Variants in DPYD observed in about 807,000 individuals in gnomAD.
The protein encoded by DPYD is dihydropyrimidine dehydrogenase [NADP(+)].
Under a neutral mutation model 116.2 loss-of-function variants are expected in DPYD, and 109 were observed. That is an observed-to-expected ratio of 0.94 (90% CI 0.80 to 1.10). The LOEUF is 1.10. Ranked by LOEUF, DPYD falls within the 50% of genes least tolerant of loss-of-function variation. DPYD has a pLI of 0.00. For synonymous variants in DPYD, 440 were observed against 432.0 expected (o/e 1.02, Z -0.23); for missense variants, 1,302 against 1,254.5 (o/e 1.04, Z -0.57).
At chr1:97,600,260 G>A (rs917623738) in intron 8 of DPYD, among the ~76,000 whole-genome samples, 1 of 152,024 alleles carries the variant, frequency 6.6e-6, no homozygotes, top group Non-Finnish European at 1.5e-5. Flanking sequence ...ACCTTCCAAA[G>A]TACTTTTGTA....
At chr1:97,264,040 C>G (rs1298806615) in intron 18 of DPYD, among the ~76,000 whole-genome samples, 1 of 150,978 alleles carries the variant, frequency 6.6e-6, no homozygotes. Flanking sequence ...AAGATAAAAT[C>G]AGATCAATGC....
chr1:97,706,743 A>G (rs1661978387), intron 5 of DPYD, among the ~76,000 whole-genome samples: 2 of 152,092 alleles, frequency 1.3e-5, no homozygotes, highest in Non-Finnish European at 2.9e-5. Context: ...TGTATGTACC[A>G]TAGTTTATTT....
chr1:97,581,378 T>C (rs1428799595), intron 10 of DPYD, among the ~76,000 whole-genome samples: 2 of 146,420 alleles, frequency 1.4e-5, no homozygotes, highest in Admixed American at 1.4e-4. Context: ...GGAATCTTTG[T>C]CATGTGTAAA....
chr1:97,696,201 G>C (rs1049007012), intron 6 of DPYD, among the ~76,000 whole-genome samples: 2 of 151,870 alleles, frequency 1.3e-5, no homozygotes, highest in Non-Finnish European at 2.9e-5. Flanking sequence ...GATATCAGAG[G>C]ACATTTTTTT....
intron 20 of DPYD, among the ~76,000 whole-genome samples, chr1:97,127,245 T>C (rs1266281272): frequency 1.3e-5 from 2 of 152,096 alleles, no homozygotes; most frequent in African/African-American, 4.8e-5. Context: ...AAACAGAACA[T>C]GGAAACTACA....
chr1:97,902,461 G>A (rs1673415603), intron 1 of DPYD, among the ~76,000 whole-genome samples: 1 of 151,702 alleles, frequency 6.6e-6, no homozygotes, highest in African/African-American at 2.4e-5. Flanking sequence ...TCAGTGTTTT[G>A]GATTTACTGG....
intron 13 of DPYD, chr1:97,514,302 A>T: frequency 1.1e-6 from 1 of 918,456 alleles, no homozygotes; most frequent in Non-Finnish European, 1.3e-6. Flanking sequence ...TCAGAATTCA[A>T]TTATTGCAAG....
At chr1:97,129,398 T>C (rs1346278354) in intron 20 of DPYD, among the ~76,000 whole-genome samples, 1 of 152,060 alleles carries the variant, frequency 6.6e-6, no homozygotes, top group Non-Finnish European at 1.5e-5. Context: ...ATTTGCTGAG[T>C]GCTAGATTCA....
chr1:97,347,142 A>C (rs1490161257), intron 16 of DPYD, among the ~76,000 whole-genome samples: 1 of 151,750 alleles, frequency 6.6e-6, no homozygotes, highest in Non-Finnish European at 1.5e-5. Flanking sequence ...TTGGCATTTT[A>C]TATCTAGTAC....
chr1:97,720,372 G>A (rs1662854607), intron 5 of DPYD: 1 of 985,294 alleles, frequency 1.0e-6, no homozygotes, highest in South Asian at 4.7e-5. Context: ...AGGAATTCAA[G>A]TGAATCTTCT....
chr1:97,078,147 C>T lies in DPYD; in HGVS notation c.*829G>A, dbSNP rs1287906117. ...TTGCATACTTTGAGCTTTGTTCAAA[C>T]ATTAGTTGCTATAATCATGAAGGTG... is the stretch of plus-strand genomic sequence containing the variant. On this transcript the variant is annotated 3_prime_UTR_variant, in exon 23 of 23. Coordinates refer to ENST00000370192, the MANE Select transcript of DPYD (RefSeq NM_000110.4). 4 of 152,212 alleles carry T rather than the reference C, an allele frequency of 2.6e-5. No individual in the cohort carries two copies. In the East Asian group the frequency reaches 7.7e-4, roughly 29 times the overall value. The allele number at this position is 152,212 out of a possible 1,614,324, so 9.4% of individuals were successfully genotyped here. A position where few individuals can be genotyped will look rare whatever the true frequency, so the allele number is the denominator to read the frequency against.
chr1:97,306,143 A>T, intron 17 of DPYD, 34 bp downstream of exon 17: 1 of 1,611,662 alleles, frequency 6.2e-7, no homozygotes, highest in Non-Finnish European at 8.5e-7. Flanking sequence ...CAATATTTAC[A>T]ATAGCGGGCA....
At chr1:97,173,295 C>CATATATGTACGCAT (rs773327264) in intron 20 of DPYD, among the ~76,000 whole-genome samples, 1 of 127,524 alleles carries the variant, frequency 7.8e-6, no homozygotes, top group African/African-American at 2.7e-5. Flanking sequence ...TATATGTACA[C>CATATATGTACGCAT]ATATGTACAT....
At chr1:97,870,692 A>G (rs1307238525) in intron 2 of DPYD, among the ~76,000 whole-genome samples, 1 of 151,840 alleles carries the variant, frequency 6.6e-6, no homozygotes, top group African/African-American at 2.4e-5. Context: ...ACAGCACTTT[A>G]TTTAAGGAAA....
At chr1:97,431,114 G>A (rs141515556) in intron 14 of DPYD, among the ~76,000 whole-genome samples, 1 of 152,186 alleles carries the variant, frequency 6.6e-6, no homozygotes, top group Admixed American at 6.6e-5. Context: ...AGGAGGTACA[G>A]ATTCAGGGGT....
intron 2 of DPYD, among the ~76,000 whole-genome samples, chr1:97,846,402 C>T (rs1447860110): frequency 2.6e-5 from 4 of 152,234 alleles, no homozygotes; most frequent in African/African-American, 4.8e-5. Context: ...AAGGAGGGTG[C>T]TCTTGCAACA....
chr1:97,251,281 A>G (rs558165153), intron 18 of DPYD, among the ~76,000 whole-genome samples: 2 of 151,868 alleles, frequency 1.3e-5, no homozygotes, highest in African/African-American at 4.8e-5. Flanking sequence ...CTCTCCAGCA[A>G]CTTGGAAGGC....
intron 12 of DPYD, 47 bp from the exon 13 acceptor site, chr1:97,515,988 T>C: frequency 1.3e-6 from 2 of 1,544,444 alleles, no homozygotes; most frequent in Non-Finnish European, 1.8e-6. Flanking sequence ...ATCTAAATTG[T>C]CCATATAATA....
At chr1:97,819,954 T>C (rs1281598541) in intron 3 of DPYD, among the ~76,000 whole-genome samples, 1 of 152,020 alleles carries the variant, frequency 6.6e-6, no homozygotes, top group Non-Finnish European at 1.5e-5. Flanking sequence ...TGCATACACA[T>C]GCACACACAC....
Sources: gnomAD v4.1 joint callset for allele counts (sites outside exome capture counted in the v4.1 genomes callset) on GRCh38, gnomAD v4.1.1 for gene constraint, MANE v1.5 for transcripts, NCBI Gene and HGNC (gene_info 2026-07-23, HGNC 2026-07-21) for gene names.